Variants in FARP2 observed in about 807,000 individuals in gnomAD.
The protein encoded by FARP2 is FERM, ARHGEF and pleckstrin domain-containing protein 2.
In FARP2, 111 loss-of-function variants were observed where a neutral mutation model predicts 130.5. The ratio of observed to expected loss-of-function variants is 0.85; its 90% confidence interval spans 0.73 to 1.00. The LOEUF is 1.00. Ranked by LOEUF, FARP2 falls within the 50% of genes least tolerant of loss-of-function variation. The pLI, the probability that FARP2 is intolerant of heterozygous loss-of-function variation, is 0.00. For missense variants in FARP2, 1,385 were observed against 1,346.3 expected (o/e 1.03, Z -0.45); for synonymous variants, 504 against 516.9 (o/e 0.98, Z 0.34).
intron 4 of FARP2, 134 bp downstream of exon 4, chr2:241,404,975 A>T: frequency 1.7e-6 from 1 of 592,792 alleles, no homozygotes; most frequent in Middle Eastern, 2.8e-4. Flanking sequence ...ATAGCGGACA[A>T]ACTTGGAAGT....
intron 3 of FARP2, 114 bp downstream of exon 3, chr2:241,404,046 A>G (rs1376333407): frequency 3.1e-6 from 2 of 643,008 alleles, no homozygotes; most frequent in Non-Finnish European, 5.6e-6. Flanking sequence ...CTATTAAAAT[A>G]TATTCTTGTT....
intron 17 of FARP2, chr2:241,466,695 C>CG (rs1319337881): frequency 8.8e-6 from 6 of 677,968 alleles, no homozygotes; most frequent in East Asian, 1.4e-4. Flanking sequence ...AACCACCCCC[C>CG]CCCCCACCAC....
intron 13 of FARP2, chr2:241,446,499 A>C (rs1353926358): frequency 6.6e-6 from 1 of 152,142 alleles, no homozygotes; most frequent in African/African-American, 2.4e-5. Context: ...CGCTCTGAGG[A>C]GTAATTGTAG....
At chr2:241,436,887 G>A (rs1268511603) in intron 12 of FARP2, among the ~76,000 whole-genome samples, 1 of 152,190 alleles carries the variant, frequency 6.6e-6, no homozygotes, top group Non-Finnish European at 1.5e-5. Flanking sequence ...TCAGGGAGCT[G>A]AGGTGGAAGA....
intron 18 of FARP2, among the ~76,000 whole-genome samples, chr2:241,471,850 C>T (rs1053615730): frequency 9.5e-5 from 12 of 125,918 alleles, no homozygotes; most frequent in East Asian, 2.2e-4. Context: ...CTTGTGAGGA[C>T]GCTGTTCTGA....
intron 13 of FARP2, among the ~76,000 whole-genome samples, chr2:241,451,629 G>T (rs1311081582): frequency 6.6e-6 from 1 of 152,200 alleles, no homozygotes; most frequent in Non-Finnish European, 1.5e-5. Context: ...TTTCTCAGTA[G>T]ATGACCTCGG....
At chr2:241,381,007 C>A (rs921689386) in intron 2 of FARP2, among the ~76,000 whole-genome samples, 2 of 152,132 alleles carry the variant, frequency 1.3e-5, no homozygotes, top group African/African-American at 4.8e-5. Flanking sequence ...TCAGCCCTTA[C>A]CCCCCTGATG....
At chr2:241,466,146 A>G in intron 17 of FARP2, 4 of 1,072,496 alleles carry the variant, frequency 3.7e-6, no homozygotes, top group Non-Finnish European at 4.5e-6. Context: ...TCTGGGTGTC[A>G]GAGGCCAAGA....
Position 241,356,756 on chromosome 2 carries a change from A to AGGGCCGT in FARP2, c.-25+375_-25+381dup, listed in dbSNP as rs1414698936. Reference sequence around the variant, plus strand: ...TGAGTTGTGCCCCGTGGAGGCCGGCAGGGCCGTGGGCCGGGGAGTGTCCCA... The same window carrying AGGGCCGT: ...TGAGTTGTGCCCCGTGGAGGCCGGCAGGGCCGTGGGCCGTGGGCCGGGGAGTGTCCCA... On this transcript the variant is annotated intron_variant, in intron 1 of 26. Transcript: ENST00000264042. Among the ~76,000 whole-genome samples the AGGGCCGT allele has an allele frequency of 4.6e-5, 7 of 151,752 alleles. No individual in the cohort carries two copies. In the South Asian group the frequency reaches 8.3e-4, roughly 18 times the overall value.
chr2:241,396,240 A>T (rs1054600683), intron 2 of FARP2, among the ~76,000 whole-genome samples: 6 of 152,150 alleles, frequency 3.9e-5, no homozygotes, highest in African/African-American at 1.4e-4. Context: ...CCTAGAAGAA[A>T]ACCTAGGCAT....
At chr2:241,447,620 A>G (rs779139883) in intron 13 of FARP2, among the ~76,000 whole-genome samples, 33 of 152,134 alleles carry the variant, frequency 2.2e-4, no homozygotes, top group Non-Finnish European at 1.8e-4. Context: ...TGTAAATTAC[A>G]GGGGAGGACG....
intron 13 of FARP2, 36 bp downstream of exon 13, chr2:241,441,592 T>A (rs1235324371): frequency 5.6e-6 from 9 of 1,613,730 alleles, no homozygotes; most frequent in Non-Finnish European, 7.6e-6. Flanking sequence ...CAGCTGTGGT[T>A]CTGTCTGTGC....
chr2:241,454,598 G>A (rs1458353333), intron 13 of FARP2, among the ~76,000 whole-genome samples: 1 of 152,228 alleles, frequency 6.6e-6, no homozygotes, highest in East Asian at 1.9e-4. Flanking sequence ...TCAGGGGCTA[G>A]CACAAAGCCA....
rs1574917746 is a variant in FARP2 at position 241,490,953 on chromosome 2, A to C, written c.2505-108A>C. On this transcript the variant is annotated intron_variant, in intron 22 of 26. Coordinates refer to ENST00000264042, the MANE Select transcript of FARP2 (RefSeq NM_014808.4). ...TCCCAGTCCTCTCACCAGGCAGGAC[A>C]AAGCAGAATGTGAGAGAACAGGTGC... 4.9e-6 allele frequency: 4 copies of C among 821,050 alleles called. No homozygotes were observed. The East Asian group carries it at 9.7e-5, about 20-fold the overall frequency. The allele number at this position is 821,050 out of a possible 1,614,324, so 50.9% of individuals were successfully genotyped here.
At position 241,366,104 on chromosome 2, in the gene FARP2, A is replaced by AAATATATATAT. The variant is rs61355096; in HGVS notation, c.-24-6979_-24-6978insATATATATATA. Among the ~76,000 whole-genome samples the AAATATATATAT allele has an allele frequency of 4.0e-4, 23 of 56,990 alleles. No individual in the cohort carries two copies. The East Asian group carries it at 5.9e-3, about 15-fold the overall frequency. 37.4% of individuals were successfully genotyped at this position (56,990 alleles called of 152,430 possible). On this transcript the variant is annotated intron_variant, in intron 1 of 26. Coordinates refer to ENST00000264042, the MANE Select transcript of FARP2 (RefSeq NM_014808.4). ...ACCTCATCACTACTAAAAAAAAAAA[A>AAATATATATAT]ATATATATATATATATACGTATATA...
At chr2:241,366,728 T>G (rs2061328598) in intron 1 of FARP2, among the ~76,000 whole-genome samples, 2 of 152,134 alleles carry the variant, frequency 1.3e-5, no homozygotes, top group Admixed American at 6.5e-5. Flanking sequence ...TTCCATTTGT[T>G]CTCACATTGA....
In FARP2 at chr2:241,491,310, G is replaced by C. The variant is rs536870127; in HGVS notation, c.2623+131G>C. 6.9e-6 allele frequency: 6 copies of C among 866,982 alleles called. No homozygotes were observed. The South Asian group carries it at 7.7e-5, about 11-fold the overall frequency. 53.7% of individuals were successfully genotyped at this position (866,982 alleles called of 1,614,324 possible). On this transcript the variant is annotated intron_variant, in intron 23 of 26. Transcript: ENST00000264042. ...ATCCCCTTCCACAAGGAATGTTCCA[G>C]GCTACGCCTCATGCCTGGGCGGGAA...
chr2:241,490,830 C>A (rs13405290), intron 22 of FARP2, among the ~76,000 whole-genome samples: 5 of 152,126 alleles, frequency 3.3e-5, no homozygotes, highest in African/African-American at 1.2e-4. Context: ...GGGGCCCTGC[C>A]CTGGCACCCA....
chr2:241,465,478 G>A lies in FARP2; in HGVS notation c.1893+1498G>A, dbSNP rs1457401394. 3.2e-6 allele frequency: 5 copies of A among 1,550,520 alleles called. No homozygotes were observed. The African/African-American group carries it at 4.1e-5, about 13-fold the overall frequency. On this transcript the variant is annotated intron_variant, in intron 17 of 26. Transcript: ENST00000264042. ...CTTTCAGGTGTTCCAGCTCCACGAAGGGCATGTAGCAGGGGTCACAAAAAT... is the reference window on the plus strand; with the variant it reads ...CTTTCAGGTGTTCCAGCTCCACGAAAGGCATGTAGCAGGGGTCACAAAAAT...
Sources: allele counts gnomAD v4.1 joint callset (sites outside exome capture counted in the v4.1 genomes callset), GRCh38; gene constraint gnomAD v4.1.1; transcripts MANE v1.5; gene names NCBI Gene and HGNC (gene_info 2026-07-23, HGNC 2026-07-21).